ZHX3: variants seen among roughly 807,000 people sequenced by gnomAD.
ZHX3 encodes the protein zinc fingers and homeoboxes 3, also known as zinc fingers and homeoboxes protein 3.
A neutral mutation model predicts 64.5 loss-of-function variants in ZHX3; 20 were observed. The ratio of observed to expected loss-of-function variants is 0.31; its 90% CI spans 0.22 to 0.45. ZHX3 has a LOEUF of 0.45. Ranked by LOEUF, ZHX3 falls within the 20% of genes least tolerant of loss-of-function variation. The probability of loss-of-function intolerance (pLI) is 1.00; values close to 1 mark genes in which losing one functional copy is unlikely to be tolerated. For missense variants in ZHX3, 1,041 were observed against 1,195.8 expected (o/e 0.87, Z 1.91); for synonymous variants, 423 against 461.6 (o/e 0.92, Z 1.07).
chr20:41,288,925 CAT>C (rs2044078566), intron 1 of ZHX3, among the ~76,000 whole-genome samples: 1 of 151,074 alleles, frequency 6.6e-6, no homozygotes, highest in African/African-American at 2.5e-5. Flanking sequence ...ATTGAATAGA[CAT>C]ATATTTAGAA....
At chr20:41,296,410 T>A (rs1243832465) in intron 1 of ZHX3, among the ~76,000 whole-genome samples, 2 of 152,048 alleles carry the variant, frequency 1.3e-5, no homozygotes, top group Admixed American at 6.6e-5. Flanking sequence ...TCACCAGGAC[T>A]GAGTTGACTT....
At chr20:41,256,856 G>A (rs1023389666) in intron 2 of ZHX3, among the ~76,000 whole-genome samples, 2 of 151,768 alleles carry the variant, frequency 1.3e-5, no homozygotes, top group Non-Finnish European at 2.9e-5. Context: ...AGGTAGTGGT[G>A]AATCTGGACT....
chr20:41,222,755 C>T (rs1376989715), intron 2 of ZHX3, among the ~76,000 whole-genome samples: 3 of 152,084 alleles, frequency 2.0e-5, no homozygotes, highest in Admixed American at 2.0e-4. Context: ...TAAAACTAAA[C>T]AGTAAAAAAG....
intron 1 of ZHX3, among the ~76,000 whole-genome samples, chr20:41,290,887 G>C (rs935799223): frequency 6.6e-6 from 1 of 152,082 alleles, no homozygotes; most frequent in Non-Finnish European, 1.5e-5. Flanking sequence ...CTTCATCTGG[G>C]GGCCTCCCAA....
intron 2 of ZHX3, among the ~76,000 whole-genome samples, chr20:41,260,995 A>T (rs2042535027): frequency 6.6e-6 from 1 of 152,252 alleles, no homozygotes; most frequent in Non-Finnish European, 1.5e-5. Flanking sequence ...CAATCTATGA[A>T]TTAGAGTTCT....
chr20:41,237,287 C>T (rs2041070318), intron 2 of ZHX3, among the ~76,000 whole-genome samples: 2 of 152,220 alleles, frequency 1.3e-5, no homozygotes, highest in Admixed American at 1.3e-4. Flanking sequence ...GATTATAAAA[C>T]ATGCTGCTAT....
chr20:41,186,547 C>T (rs2036539805), intron 3 of ZHX3, among the ~76,000 whole-genome samples: 1 of 152,176 alleles, frequency 6.6e-6, no homozygotes, highest in East Asian at 1.9e-4. Flanking sequence ...ATTCTATATT[C>T]ACCTTCTTGA....
At chr20:41,315,677 C>T (rs1345403192) in intron 1 of ZHX3, among the ~76,000 whole-genome samples, 1 of 151,840 alleles carries the variant, frequency 6.6e-6, no homozygotes, top group African/African-American at 2.4e-5. Context: ...AACACAAGTT[C>T]CTACTCATAA....
rs1403410893 is a variant in ZHX3, at chr20:41,212,234, A to C, written c.-150-7168T>G. Among the ~76,000 whole-genome samples the C allele has an allele frequency of 2.0e-5, 3 of 152,192 alleles. No homozygotes were observed. Among genetic ancestry groups the C allele is most frequent in the Non-Finnish European group, 4.4e-5 (3 of 68,040 alleles). ...AAACGGGTAAAGGATTTGAATAGAC[A>C]CTTCTCCAAAGAAGATATACAAATG... On this transcript the variant is annotated intron_variant, in intron 2 of 3. Coordinates refer to ENST00000683867, the MANE Select transcript of ZHX3 (RefSeq NM_001384317.1). This position sits in a 1 kb window ranked among gnomAD's most constrained non-coding sequence, Gnocchi z 4.3.
intron 3 of ZHX3, among the ~76,000 whole-genome samples, chr20:41,198,806 CTA>C (rs1165482374): frequency 6.6e-6 from 1 of 151,944 alleles, no homozygotes; most frequent in African/African-American, 2.4e-5. Flanking sequence ...TCTGCGATTC[CTA>C]TATGAGTATA....
At chr20:41,241,800 T>C (rs1179658766) in intron 2 of ZHX3, among the ~76,000 whole-genome samples, 1 of 152,222 alleles carries the variant, frequency 6.6e-6, no homozygotes, top group Middle Eastern at 3.2e-3. Flanking sequence ...ATTCATATTT[T>C]GATAGAGATT....
chr20:41,252,493 C>T (rs1321818375), intron 2 of ZHX3, among the ~76,000 whole-genome samples: 2 of 152,148 alleles, frequency 1.3e-5, no homozygotes, highest in African/African-American at 2.4e-5. Flanking sequence ...GGTGTCATCC[C>T]GCGATGCTGG....
chr20:41,214,141 G>A (rs1249340299), intron 2 of ZHX3, among the ~76,000 whole-genome samples: 24 of 152,116 alleles, frequency 1.6e-4, no homozygotes, highest in Admixed American at 1.6e-3. Flanking sequence ...ACTAAGAAGG[G>A]TACCACTGCT....
intron 1 of ZHX3, among the ~76,000 whole-genome samples, chr20:41,292,551 G>A (rs952023120): frequency 1.3e-5 from 2 of 152,126 alleles, no homozygotes; most frequent in African/African-American, 2.4e-5. Flanking sequence ...AGGTGATCAC[G>A]AACTCTCTAC....
chr20:41,265,567 C>T (rs1042242108), intron 2 of ZHX3, among the ~76,000 whole-genome samples: 2 of 152,078 alleles, frequency 1.3e-5, no homozygotes, highest in South Asian at 4.1e-4. Context: ...ATTCCTGGTC[C>T]TCAAGCTTGA....
chr20:41,272,853 TTGTC>T (rs372619281), intron 1 of ZHX3, among the ~76,000 whole-genome samples: 13 of 152,286 alleles, frequency 8.5e-5, no homozygotes, highest in African/African-American at 3.1e-4. Context: ...GTACAAGTAT[TTGTC>T]TGATACTTGT....
intron 1 of ZHX3, among the ~76,000 whole-genome samples, chr20:41,296,615 T>C (rs1000217411): frequency 6.6e-6 from 1 of 152,204 alleles, no homozygotes; most frequent in African/African-American, 2.4e-5. Flanking sequence ...ACAGGGGTCC[T>C]TAAGTCTACT....
intron 1 of ZHX3, chr20:41,317,154 T>TC (rs1327226897): frequency 1.3e-5 from 2 of 151,244 alleles, no homozygotes; most frequent in Non-Finnish European, 1.5e-5. Context: ...CGCCCCCGCT[T>TC]CCCCTCTACC....
intron 3 of ZHX3, among the ~76,000 whole-genome samples, chr20:41,198,605 C>A (rs1028075164): frequency 6.6e-6 from 1 of 151,362 alleles, no homozygotes; most frequent in Admixed American, 6.6e-5. Flanking sequence ...CGAGTTGCTT[C>A]TCTCTTGCTG....
Sources: allele counts gnomAD v4.1 joint callset (sites outside exome capture counted in the v4.1 genomes callset), GRCh38; gene constraint gnomAD v4.1.1; non-coding constraint Gnocchi (gnomAD v3.1); transcripts MANE v1.5; gene names NCBI Gene and HGNC (gene_info 2026-07-23, HGNC 2026-07-21).